Variants in XRCC6 observed in about 807,000 individuals in gnomAD.
The protein encoded by XRCC6 is X-ray repair cross complementing 6.
XRCC6 carries 5 observed loss-of-function variants against 65.7 expected under a neutral mutation model. The observed-to-expected ratio is 0.08, with a 90% CI of 0.04 to 0.16. The LOEUF (loss-of-function observed/expected upper bound fraction) is 0.16, where lower values mean the gene tolerates loss of function less well. XRCC6 is among the 10% of genes least tolerant of loss of function. The pLI, the probability that XRCC6 is intolerant of heterozygous loss-of-function variation, is 1.00. For missense variants in XRCC6, 447 were observed against 738.1 expected (o/e 0.61, Z 4.57); for synonymous variants, 270 against 270.6 (o/e 1.00, Z 0.02).
At chr22:41,631,055 C>T (rs1462149563) in intron 3 of XRCC6, among the ~76,000 whole-genome samples, 1 of 151,566 alleles carries the variant, frequency 6.6e-6, no homozygotes, top group Non-Finnish European at 1.5e-5. Flanking sequence ...AGAGGCGCCC[C>T]TCACCTCCCG....
chr22:41,639,050 A>G (rs956150545), intron 6 of XRCC6, among the ~76,000 whole-genome samples: 2 of 152,164 alleles, frequency 1.3e-5, no homozygotes, highest in African/African-American at 2.4e-5. Context: ...TTTGAGCTTC[A>G]TTATCATCTT....
At chr22:41,653,499 A>G (rs1483639819) in intron 8 of XRCC6, 30 bp from the exon 9 acceptor site, 1 of 1,545,816 alleles carries the variant, frequency 6.5e-7, no homozygotes, top group Admixed American at 1.9e-5. Context: ...CCTTTTTAGG[A>G]GGCTAGTCAC....
chr22:41,628,316 T>C (rs183663702), intron 3 of XRCC6, 86 bp downstream of exon 3: 48 of 1,156,510 alleles, frequency 4.2e-5, no homozygotes, highest in Non-Finnish European at 6.0e-5. Context: ...CTCAGGACAT[T>C]GGGAGGCCGA....
chr22:41,627,988 G>C, intron 2 of XRCC6, 130 bp from the exon 3 acceptor site: 4 of 543,752 alleles, frequency 7.4e-6, no homozygotes, highest in Non-Finnish European at 1.2e-5. Context: ...GACATAGGTG[G>C]AGATTTTATG....
chr22:41,660,230 A>C (rs28384779), intron 11 of XRCC6, among the ~76,000 whole-genome samples: 7,869 of 152,262 alleles, frequency 0.052, 465 homozygotes, highest in African/African-American at 0.13. Flanking sequence ...GCTTGATTTA[A>C]CAATATAGTT....
chr22:41,647,127 C>A, intron 7 of XRCC6, 45 bp downstream of exon 7: 1 of 1,601,072 alleles, frequency 6.2e-7, no homozygotes, highest in Non-Finnish European at 8.5e-7. Context: ...GAGACAGGGT[C>A]TCATTGTGTC....
At chr22:41,627,291 A>G (rs1443318210) in intron 2 of XRCC6, among the ~76,000 whole-genome samples, 1 of 152,046 alleles carries the variant, frequency 6.6e-6, no homozygotes, top group Admixed American at 6.6e-5. Flanking sequence ...GGTGTGTGGT[A>G]GATCATGCCT....
rs556624963 is a variant in XRCC6 at position 41,629,986 on chromosome 22, T to C, written c.195+1756T>C. On this transcript the variant is annotated intron_variant, in intron 3 of 12. Coordinates refer to ENST00000360079, the MANE Select transcript of XRCC6 (RefSeq NM_001469.5). ...CAGCCTTGTGTGTGCATTTATGCTTTTTTTTTTTTTTTTTTTGAGTTGGAG... is the reference window on the plus strand; with the variant it reads ...CAGCCTTGTGTGTGCATTTATGCTTCTTTTTTTTTTTTTTTTGAGTTGGAG... Among the ~76,000 whole-genome samples the C allele has an allele frequency of 4.3e-4, 49 of 114,440 alleles. 1 individual carries two copies. In the East Asian group the frequency reaches 5.6e-3, roughly 13 times the overall value. 75.1% of individuals were successfully genotyped at this position (114,440 alleles called of 152,430 possible). A position where few individuals can be genotyped will look rare whatever the true frequency, so the allele number is the denominator to read the frequency against.
chr22:41,639,981 C>G (rs1177366821), intron 6 of XRCC6, among the ~76,000 whole-genome samples: 2 of 151,414 alleles, frequency 1.3e-5, no homozygotes, highest in Non-Finnish European at 2.9e-5. Flanking sequence ...TTTTAGAGAG[C>G]CTTGATATTA....
chr22:41,663,767 G>A lies in XRCC6; in HGVS notation c.1782G>A (p.Leu594=). 1 of 1,613,798 alleles carries A rather than the reference G, an allele frequency of 6.2e-7. No individual in the cohort carries two copies. The highest frequency in any genetic ancestry group is 8.5e-7 in the Non-Finnish European group (1 of 1,179,872). The change falls in exon 13 of 13, where the codon CTG becomes CTA. Residue 594 remains leucine (L), a synonymous_variant. Coordinates refer to ENST00000360079, the MANE Select transcript of XRCC6 (RefSeq NM_001469.5). ...GGGCTTACGGGCTGAAGAGTGGGCT[G>A]AAGAAGCAGGAGCTGCTGGAAGCCC... The part of the protein sequence containing the change: ...ACRAYGLKSG[L]KKQELLEALT...
intron 12 of XRCC6, 57 bp downstream of exon 12, chr22:41,661,501 CTT>C (rs1006839229): frequency 7.0e-7 from 1 of 1,422,312 alleles, no homozygotes; most frequent in African/African-American, 1.4e-5. Flanking sequence ...TTATGATAGT[CTT>C]ATCACAGTGG....
chr22:41,636,187 C>T lies in XRCC6; in HGVS notation c.270C>T (p.Thr90=), dbSNP rs767204225. 48 of 1,607,304 alleles carry T rather than the reference C, an allele frequency of 3.0e-5. No homozygotes were observed. The highest frequency in any genetic ancestry group is 4.5e-5 in the East Asian group (2 of 44,798). ...TCTTGGCTGTGGTGTTCTATGGTAC[C>T]GAGAAAGACAAAAATTCAGTGAATT... ...RDLLAVVFYG[T]EKDKNSVNFK... is the part of the protein sequence containing the mutation. The change falls in exon 4 of 13, where the codon ACC becomes ACT. Residue 90 remains threonine (T), a synonymous_variant. Transcript: ENST00000360079.
intron 12 of XRCC6, chr22:41,661,829 C>G (rs1238176873): frequency 6.4e-6 from 1 of 157,348 alleles, no homozygotes; most frequent in Non-Finnish European, 1.4e-5. Context: ...TAGCCAAGAT[C>G]TGGAAGCAAC....
intron 10 of XRCC6, 26 bp from the exon 11 acceptor site, chr22:41,658,226 G>C: frequency 6.2e-7 from 1 of 1,608,216 alleles, no homozygotes; most frequent in Non-Finnish European, 8.5e-7. Context: ...TCATGTTTCA[G>C]TTGAGTTACA....
At chr22:41,646,430 T>A (rs2067932957) in intron 6 of XRCC6, among the ~76,000 whole-genome samples, 1 of 152,178 alleles carries the variant, frequency 6.6e-6, no homozygotes, top group Non-Finnish European at 1.5e-5. Flanking sequence ...CATTTTATTA[T>A]ACGGGTTGAG....
intron 12 of XRCC6, among the ~76,000 whole-genome samples, chr22:41,662,690 C>T (rs2068110608): frequency 6.6e-6 from 1 of 152,130 alleles, no homozygotes; most frequent in Non-Finnish European, 1.5e-5. Context: ...CAGTGAATTG[C>T]TTCCAAAACA....
At chr22:41,625,908 G>A (rs895833317) in intron 2 of XRCC6, among the ~76,000 whole-genome samples, 91 of 151,080 alleles carry the variant, frequency 6.0e-4, no homozygotes, top group African/African-American at 2.9e-4. Context: ...GACTAATCTC[G>A]GCTCGCTGCA....
intron 2 of XRCC6, among the ~76,000 whole-genome samples, chr22:41,627,549 C>G (rs1254949870): frequency 7.2e-6 from 1 of 138,866 alleles, no homozygotes; most frequent in Non-Finnish European, 1.5e-5. Flanking sequence ...AGACGGAGGT[C>G]GTAGTAAGCC....
intron 5 of XRCC6, 65 bp from the exon 6 acceptor site, chr22:41,637,542 TG>T (rs1326970064): frequency 1.4e-6 from 2 of 1,383,504 alleles, no homozygotes; most frequent in Non-Finnish European, 1.9e-6. Flanking sequence ...CAGTTTTAAC[TG>T]AAAGAACTTC....
Sources: gnomAD v4.1 joint callset for allele counts (sites outside exome capture counted in the v4.1 genomes callset) on GRCh38, gnomAD v4.1.1 for gene constraint, MANE v1.5 for transcripts, NCBI Gene and HGNC (gene_info 2026-07-23, HGNC 2026-07-21) for gene names.